Variants in RBFOX1 observed in about 807,000 individuals in gnomAD.
RBFOX1 encodes RNA binding protein fox-1 homolog 1.
In RBFOX1, 8 loss-of-function variants were observed where a neutral mutation model predicts 57.7. The ratio of observed to expected loss-of-function variants is 0.14; its 90% CI spans 0.08 to 0.25. The LOEUF is 0.25. Among genes scored for constraint, RBFOX1 ranks in the 10% least tolerant of loss-of-function variants. RBFOX1 has a pLI of 1.00. For synonymous variants in RBFOX1, 326 were observed against 222.4 expected (o/e 1.47, Z -4.15); for missense variants, 611 against 548.5 (o/e 1.11, Z -1.14).
At chr16:5,992,404 T>A (rs2060416099) in intron 4 of RBFOX1, among the ~76,000 whole-genome samples, 1 of 152,206 alleles carries the variant, frequency 6.6e-6, no homozygotes, top group African/African-American at 2.4e-5. Flanking sequence ...TGGGTAACCC[T>A]TTCTTAGCCA....
chr16:5,431,143 C>G (rs1369969299), intron 1 of RBFOX1, among the ~76,000 whole-genome samples: 2 of 152,208 alleles, frequency 1.3e-5, no homozygotes, highest in Non-Finnish European at 2.9e-5. Context: ...CTGAGTGTGA[C>G]AGCTACTGAG....
intron 3 of RBFOX1, among the ~76,000 whole-genome samples, chr16:6,693,601 C>T (rs777294914): frequency 6.6e-6 from 1 of 151,760 alleles, no homozygotes; most frequent in Non-Finnish European, 1.5e-5. Context: ...CCACTACCAT[C>T]ACCACCATCA....
intron 4 of RBFOX1, among the ~76,000 whole-genome samples, chr16:5,986,636 T>C (rs2060292177): frequency 6.6e-6 from 1 of 152,230 alleles, no homozygotes; most frequent in Non-Finnish European, 1.5e-5. Flanking sequence ...AATCACATAG[T>C]AGGCAGTCTT....
chr16:6,396,996 T>C (rs1054022258), intron 2 of RBFOX1, among the ~76,000 whole-genome samples: 1 of 152,206 alleles, frequency 6.6e-6, no homozygotes, highest in Admixed American at 6.5e-5. Context: ...TATAGATTAA[T>C]GTATATCATT....
At chr16:7,695,478 C>T (rs953529375) in intron 14 of RBFOX1, among the ~76,000 whole-genome samples, 5 of 151,778 alleles carry the variant, frequency 3.3e-5, no homozygotes, top group Non-Finnish European at 5.9e-5. Context: ...CATGGTGAAA[C>T]CCCATCTCTA....
intron 2 of RBFOX1, among the ~76,000 whole-genome samples, chr16:6,375,474 T>A (rs994786393): frequency 1.3e-5 from 2 of 151,974 alleles, no homozygotes; most frequent in African/African-American, 4.8e-5. Context: ...TGTATTTCTC[T>A]AACATTTTTA....
chr16:6,870,742 C>G (rs1030772376), intron 3 of RBFOX1, among the ~76,000 whole-genome samples: 3 of 152,126 alleles, frequency 2.0e-5, no homozygotes, highest in East Asian at 3.9e-4. Flanking sequence ...CACCAAAACT[C>G]CTCCCCACCC....
At chr16:6,587,134 C>G (rs1041807728) in intron 2 of RBFOX1, among the ~76,000 whole-genome samples, 31 of 152,236 alleles carry the variant, frequency 2.0e-4, no homozygotes, top group African/African-American at 7.5e-4. Context: ...ATTTATTCCT[C>G]TTATCTAACT....
At chr16:7,206,737 T>C (rs2090059030) in intron 4 of RBFOX1, among the ~76,000 whole-genome samples, 1 of 152,146 alleles carries the variant, frequency 6.6e-6, no homozygotes, top group Admixed American at 6.6e-5. Context: ...CGACATTTAC[T>C]GTGAGATTTC....
At chr16:7,565,735 T>C (rs1475638430) in intron 5 of RBFOX1, among the ~76,000 whole-genome samples, 1 of 152,170 alleles carries the variant, frequency 6.6e-6, no homozygotes, top group Non-Finnish European at 1.5e-5. Flanking sequence ...ATAACTTGAT[T>C]GGTGGAGGAT....
At chr16:6,968,549 A>C (rs1186087946) in intron 3 of RBFOX1, among the ~76,000 whole-genome samples, 1 of 152,116 alleles carries the variant, frequency 6.6e-6, no homozygotes, top group African/African-American at 2.4e-5. Flanking sequence ...TAGAAGAGGA[A>C]GTCTGGCAGG....
Position 6,999,845 on chromosome 16 carries a change from G to A in RBFOX1, c.-15-52212G>A, listed in dbSNP as rs184832590. On this transcript the variant is annotated intron_variant, in intron 3 of 15. Coordinates refer to ENST00000550418, the MANE Select transcript of RBFOX1 (RefSeq NM_018723.4). ...CCAGTATTTTGGGAGGCTGAGGTGA[G>A]CGGATCACTTGAGGTCAGGAGTTTG... Among the ~76,000 whole-genome samples the A allele has an allele frequency of 2.5e-3, 376 of 152,230 alleles. 1 individual carries two copies. The highest frequency in any genetic ancestry group is 0.019 in the Admixed American group (294 of 15,286).
chr16:7,288,933 G>C (rs370335971), intron 4 of RBFOX1, among the ~76,000 whole-genome samples: 1 of 152,192 alleles, frequency 6.6e-6, no homozygotes, highest in Non-Finnish European at 1.5e-5. Context: ...CATTGGAATC[G>C]TTTGTCTGGT....
chr16:5,786,664 A>T (rs1445994884), intron 3 of RBFOX1, among the ~76,000 whole-genome samples: 1 of 151,988 alleles, frequency 6.6e-6, no homozygotes, highest in Admixed American at 6.6e-5. Flanking sequence ...CCTCATCCCA[A>T]ACCTGGACAT....
chr16:5,323,624 C>T (rs969826690), intron 1 of RBFOX1, among the ~76,000 whole-genome samples: 1 of 152,258 alleles, frequency 6.6e-6, no homozygotes, highest in African/African-American at 2.4e-5. Context: ...GCTTCATTAG[C>T]ATGGATGTGC....
At chr16:6,546,077 A>T (rs1475866002) in intron 2 of RBFOX1, among the ~76,000 whole-genome samples, 1 of 152,234 alleles carries the variant, frequency 6.6e-6, no homozygotes, top group African/African-American at 2.4e-5. Context: ...TCACAGAAAA[A>T]GATTATAATG....
intron 1 of RBFOX1, among the ~76,000 whole-genome samples, chr16:5,399,063 C>G (rs1191747486): frequency 6.6e-6 from 1 of 152,168 alleles, no homozygotes; most frequent in Admixed American, 6.5e-5. Flanking sequence ...CCCTTCTTAA[C>G]TTGGTGATTG....
intron 4 of RBFOX1, among the ~76,000 whole-genome samples, chr16:5,988,035 G>A (rs1567225109): frequency 6.6e-6 from 1 of 152,108 alleles, no homozygotes; most frequent in Non-Finnish European, 1.5e-5. Flanking sequence ...TACTTCACCA[G>A]CTCTAGTTTG....
chr16:7,506,580 T>C (rs2073379820), intron 4 of RBFOX1, among the ~76,000 whole-genome samples: 1 of 134,234 alleles, frequency 7.4e-6, no homozygotes, highest in South Asian at 2.2e-4. Flanking sequence ...ACCATCACCT[T>C]CATCATCATC....
Sources: allele counts gnomAD v4.1 joint callset (sites outside exome capture counted in the v4.1 genomes callset), GRCh38; gene constraint gnomAD v4.1.1; transcripts MANE v1.5; gene names NCBI Gene and HGNC (gene_info 2026-07-23, HGNC 2026-07-21).